The following FRRS1 variants were observed in gnomAD, a reference collection of about 807,000 sequenced individuals.
FRRS1 encodes ferric reductase 1.
Under a neutral mutation model 70.7 loss-of-function variants are expected in FRRS1, and 51 were observed. That is an observed-to-expected ratio of 0.72 (90% confidence interval 0.58 to 0.91). FRRS1 has a LOEUF of 0.91. Ranked by LOEUF, FRRS1 falls within the 40% of genes least tolerant of loss-of-function variation. FRRS1 has a pLI of 0.00. For missense variants in FRRS1, 672 were observed against 726.0 expected (o/e 0.93, Z 0.86); for synonymous variants, 225 against 238.7 (o/e 0.94, Z 0.53).
chr1:99,721,739 C>T (rs1229746498), intron 9 of FRRS1, among the ~76,000 whole-genome samples: 2 of 151,668 alleles, frequency 1.3e-5, no homozygotes, highest in Non-Finnish European at 2.9e-5. Flanking sequence ...GCTGGGATTA[C>T]AGGAGCCTGC....
rs528500235 is a variant in FRRS1, at chr1:99,742,553, A to G, written c.334-280T>C. On this transcript the variant is annotated intron_variant, in intron 4 of 16. Transcript: ENST00000646001. Reference sequence around the variant, plus strand: ...CGTTAACACTAGATAGAGCTTGCTCATTGTTTCATGTACATTATAAATTTA... The same window carrying G: ...CGTTAACACTAGATAGAGCTTGCTCGTTGTTTCATGTACATTATAAATTTA... 1.1e-3 allele frequency among the ~76,000 whole-genome samples: 165 copies of G among 152,366 alleles called. 1 individual carries two copies. Among genetic ancestry groups the G allele is most frequent in the African/African-American group, 3.8e-3 (160 of 41,584 alleles).
At chr1:99,728,420 T>C in intron 9 of FRRS1, 73 bp downstream of exon 9, 2 of 1,331,040 alleles carry the variant, frequency 1.5e-6, no homozygotes, top group Non-Finnish European at 2.1e-6. Context: ...CAGTAGTTTT[T>C]CCAAAAATGG....
rs1166489878 is a variant in FRRS1, at chr1:99,704,074, A to C, written c.*4954T>G. Among the ~76,000 whole-genome samples, 3 of 152,190 alleles carry C rather than the reference A, an allele frequency of 2.0e-5. No homozygotes were observed. The highest frequency in any genetic ancestry group is 4.4e-5 in the Non-Finnish European group (3 of 68,042). On this transcript the variant is annotated 3_prime_UTR_variant, in exon 17 of 17. Transcript: ENST00000646001. ...ACATGCAAAATTTATTAAGTTTAACACTGCAATCAAATGGCAAAGACATCA... is the reference window on the plus strand; with the variant it reads ...ACATGCAAAATTTATTAAGTTTAACCCTGCAATCAAATGGCAAAGACATCA...
chr1:99,716,338 T>C (rs1654527456), intron 11 of FRRS1, among the ~76,000 whole-genome samples: 1 of 152,106 alleles, frequency 6.6e-6, no homozygotes, highest in South Asian at 2.1e-4. Context: ...CTATGACATG[T>C]ATGTACACAC....
intron 15 of FRRS1, among the ~76,000 whole-genome samples, chr1:99,709,743 A>G (rs1458755835): frequency 2.0e-5 from 3 of 152,152 alleles, no homozygotes; most frequent in Non-Finnish European, 4.4e-5. Flanking sequence ...AGAGGCGGGT[A>G]GATCACTTGA....
In FRRS1 at chr1:99,745,888, C is replaced by A. The variant is rs7545648; in HGVS notation, c.333+1406G>T. ...TGTTGTAAAATGTGGCACCTCCCCCCCCACTAACTCTCTCTCTTGCTGTTG... is the reference window on the plus strand; with the variant it reads ...TGTTGTAAAATGTGGCACCTCCCCCACCACTAACTCTCTCTCTTGCTGTTG... On this transcript the variant is annotated intron_variant, in intron 4 of 16. Coordinates refer to ENST00000646001, the MANE Select transcript of FRRS1 (RefSeq NM_001361041.2). Among the ~76,000 whole-genome samples, 685 of 151,878 alleles carry A rather than the reference C, an allele frequency of 4.5e-3. 6 individuals carry two copies. Among genetic ancestry groups the A allele is most frequent in the African/African-American group, 0.015 (632 of 41,378 alleles).
At chr1:99,715,917 T>C (rs1385889252) in intron 11 of FRRS1, among the ~76,000 whole-genome samples, 1 of 152,230 alleles carries the variant, frequency 6.6e-6, no homozygotes, top group Non-Finnish European at 1.5e-5. Context: ...AGACTTCACT[T>C]GCACAGAGCA....
At chr1:99,753,496 G>A (rs1195389801) in intron 1 of FRRS1, among the ~76,000 whole-genome samples, 1 of 152,036 alleles carries the variant, frequency 6.6e-6, no homozygotes. Flanking sequence ...GGCCGGGCGC[G>A]GTGGCTCACA....
At position 99,708,719 on chromosome 1, in the gene FRRS1, AT is replaced by A. The variant is rs1654135779; in HGVS notation, c.*308del. ...ATCTGTTGTGATTTTCCAAATCACTATTTATTTTCTTAAATACCAACATTCT... is the reference window on the plus strand; with the variant it reads ...ATCTGTTGTGATTTTCCAAATCACTATTATTTTCTTAAATACCAACATTCT... On this transcript the variant is annotated 3_prime_UTR_variant, in exon 17 of 17. Coordinates refer to ENST00000646001, the MANE Select transcript of FRRS1 (RefSeq NM_001361041.2). 3 of 423,318 alleles carry A rather than the reference AT, an allele frequency of 7.1e-6. No homozygotes were observed. In the South Asian group the frequency reaches 1.2e-4, roughly 17 times the overall value. The allele number at this position is 423,318 out of a possible 1,614,324, so 26.2% of individuals were successfully genotyped here. A position where few individuals can be genotyped will look rare whatever the true frequency, so the allele number is the denominator to read the frequency against.
At chr1:99,720,229 A>G (rs1046541739) in intron 9 of FRRS1, among the ~76,000 whole-genome samples, 5 of 152,198 alleles carry the variant, frequency 3.3e-5, no homozygotes, top group Admixed American at 2.6e-4. Context: ...TTTCATTATT[A>G]CCATTTATTG....
chr1:99,717,672 A>G (rs1013373585), intron 10 of FRRS1, 147 bp from the exon 11 acceptor site: 51 of 618,696 alleles, frequency 8.2e-5, no homozygotes, highest in Admixed American at 8.2e-4. Flanking sequence ...GCTATACATT[A>G]TAGTTTTACT....
intron 5 of FRRS1, among the ~76,000 whole-genome samples, chr1:99,741,539 A>G (rs1349832836): frequency 1.3e-5 from 2 of 152,222 alleles, no homozygotes; most frequent in Non-Finnish European, 2.9e-5. Context: ...GCATTATAAC[A>G]TTCCATTTCC....
chr1:99,712,641 G>A, intron 12 of FRRS1, 126 bp from the exon 13 acceptor site: 1 of 551,026 alleles, frequency 1.8e-6, no homozygotes, highest in South Asian at 2.9e-5. Context: ...CAATAATGAT[G>A]ATAATAATAA....
At chr1:99,763,250 C>T (rs2101009397) in intron 1 of FRRS1, among the ~76,000 whole-genome samples, 1 of 152,016 alleles carries the variant, frequency 6.6e-6, no homozygotes, top group African/African-American at 2.4e-5. Context: ...TAAATGGGAC[C>T]CCTATTTTTC....
chr1:99,756,008 A>G (rs2100996645), intron 1 of FRRS1, among the ~76,000 whole-genome samples: 1 of 152,200 alleles, frequency 6.6e-6, no homozygotes, highest in East Asian at 1.9e-4. Flanking sequence ...CTTTTTTTCA[A>G]ACTAATACAT....
rs765723665 is a variant in FRRS1 at position 99,748,725 on chromosome 1, A to C, written c.44T>G (p.Leu15Trp). The C allele has an allele frequency of 1.2e-6, 2 of 1,614,022 alleles. No individual in the cohort carries two copies. Among genetic ancestry groups the C allele is most frequent in the Admixed American group, 1.7e-5 (1 of 60,014 alleles). ...GFTLGTCILL[L>W]HISYVANYPN... ...ATAATTAGCCACATAACTAATGTGC[A>C]ACAGAAGTATGCAGGTACCAAGAGT... The change falls in exon 3 of 17, where the codon TTG becomes TGG. Residue 15 changes from leucine to tryptophan, a missense_variant. Physicochemically the swap from Leu to Trp is moderately conservative, Grantham distance 61 (BLOSUM62 -2). Transcript: ENST00000646001.
rs919320723 is a variant in FRRS1, at chr1:99,707,378, A to G, written c.*1650T>C. On this transcript the variant is annotated 3_prime_UTR_variant, in exon 17 of 17. Transcript: ENST00000646001. ...AGAAACTATAACATAATCAGAAAGA[A>G]TACCTAAAGAAATAAAGTATGACTT... is the stretch of plus-strand genomic sequence containing the variant. Among the ~76,000 whole-genome samples the G allele has an allele frequency of 1.3e-5, 2 of 152,294 alleles. No individual in the cohort carries two copies. Among genetic ancestry groups the G allele is most frequent in the African/African-American group, 4.8e-5 (2 of 41,580 alleles).
chr1:99,765,810 C>G (rs1447688970), intron 1 of FRRS1: 1 of 152,214 alleles, frequency 6.6e-6, no homozygotes, highest in African/African-American at 2.4e-5. Context: ...GAGGCTGAAG[C>G]AGAAGAATCG....
chr1:99,737,292 T>C (rs1655722826), intron 7 of FRRS1, among the ~76,000 whole-genome samples: 1 of 152,146 alleles, frequency 6.6e-6, no homozygotes, highest in Non-Finnish European at 1.5e-5. Context: ...TGCTGCCTTC[T>C]GCTGATTTGA....
Sources: gnomAD v4.1 joint callset for allele counts (sites outside exome capture counted in the v4.1 genomes callset) on GRCh38, gnomAD v4.1.1 for gene constraint, MANE v1.5 for transcripts, NCBI Gene and HGNC (gene_info 2026-07-23, HGNC 2026-07-21) for gene names.